The following LRRC4C variants were observed in gnomAD, a reference collection of about 807,000 sequenced individuals.
LRRC4C encodes the protein leucine-rich repeat-containing protein 4C.
Under a neutral mutation model 33.6 loss-of-function variants are expected in LRRC4C, and 5 were observed. That is an observed-to-expected ratio of 0.15 (90% CI 0.08 to 0.31). LRRC4C has a LOEUF of 0.31. LRRC4C is among the 10% of genes least tolerant of loss of function. The probability of loss-of-function intolerance (pLI) is 1.00; values close to 1 mark genes in which losing one functional copy is unlikely to be tolerated. For missense variants in LRRC4C, 560 were observed against 796.7 expected, an observed-to-expected ratio of 0.70 and a Z score of 3.58; for synonymous variants, 329 against 302.0, an observed-to-expected ratio of 1.09 and a Z score of -0.93.
chr11:40,536,407 T>C lies in LRRC4C; in HGVS notation c.-270+111735A>G, dbSNP rs561019849. ...CGGGGTTTCACCATGTTGGCCAGGA[T>C]GGTCTAAATCTCTTGACCTCGTGAT... is the stretch of plus-strand genomic sequence containing the variant. On this transcript the variant is annotated intron_variant, in intron 3 of 6. Coordinates refer to ENST00000528697, the MANE Select transcript of LRRC4C (RefSeq NM_001258419.2). 3.6e-3 allele frequency among the ~76,000 whole-genome samples: 544 copies of C among 152,284 alleles called. 2 individuals are homozygous for C. The highest frequency in any genetic ancestry group is 6.0e-3 in the Non-Finnish European group (406 of 68,022).
chr11:41,264,423 A>G (rs1294464974), intron 1 of LRRC4C, among the ~76,000 whole-genome samples: 2 of 152,244 alleles, frequency 1.3e-5, no homozygotes, highest in South Asian at 2.1e-4. Context: ...TTGCAATTTC[A>G]TAAGTAGGAA....
At chr11:40,866,635 C>A (rs903328956) in intron 2 of LRRC4C, among the ~76,000 whole-genome samples, 2 of 152,030 alleles carry the variant, frequency 1.3e-5, no homozygotes, top group Admixed American at 1.3e-4. Context: ...GGAGTCAAGC[C>A]AATTGGGTAT....
chr11:41,239,255 G>A (rs1335428466), intron 1 of LRRC4C, among the ~76,000 whole-genome samples: 3 of 141,718 alleles, frequency 2.1e-5, no homozygotes, highest in Non-Finnish European at 4.5e-5. Flanking sequence ...CCAAGAGGCG[G>A]AGCTTGCAGT....
At chr11:41,281,975 G>A (rs1949690856) in intron 1 of LRRC4C, among the ~76,000 whole-genome samples, 1 of 152,200 alleles carries the variant, frequency 6.6e-6, no homozygotes, top group Admixed American at 6.5e-5. Context: ...ATGTGAAGGG[G>A]GATCTCAAAA....
At chr11:41,032,626 T>C (rs1024573636) in intron 1 of LRRC4C, among the ~76,000 whole-genome samples, 1 of 152,020 alleles carries the variant, frequency 6.6e-6, no homozygotes, top group African/African-American at 2.4e-5. Context: ...AGTACAGATA[T>C]TAAAATGTTG....
At chr11:40,319,849 T>A (rs936481518) in intron 3 of LRRC4C, 128 bp from the exon 4 acceptor site, 1 of 152,160 alleles carries the variant, frequency 6.6e-6, no homozygotes, top group Non-Finnish European at 1.5e-5. Flanking sequence ...TCACAGAATG[T>A]CTTTCATACA....
chr11:40,330,213 C>T (rs904637522), intron 3 of LRRC4C, among the ~76,000 whole-genome samples: 2 of 152,148 alleles, frequency 1.3e-5, no homozygotes, highest in African/African-American at 2.4e-5. Context: ...GTCAACTTGA[C>T]TGGGTTAAAT....
intron 2 of LRRC4C, among the ~76,000 whole-genome samples, chr11:40,778,548 G>C (rs569050687): frequency 6.6e-6 from 1 of 152,102 alleles, no homozygotes. Flanking sequence ...AATAATTTGA[G>C]ATGGTGCTAA....
intron 2 of LRRC4C, among the ~76,000 whole-genome samples, chr11:40,756,172 A>G (rs1230653689): frequency 6.6e-6 from 1 of 151,842 alleles, no homozygotes; most frequent in Non-Finnish European, 1.5e-5. Context: ...CGCTGCTGGA[A>G]CTCTGATCTT....
intron 2 of LRRC4C, among the ~76,000 whole-genome samples, chr11:40,728,469 AC>A (rs1947396102): frequency 6.6e-6 from 1 of 151,442 alleles, no homozygotes; most frequent in South Asian, 2.1e-4. Context: ...AAAACTAAAA[AC>A]AAAAAGTTAG....
intron 1 of LRRC4C, among the ~76,000 whole-genome samples, chr11:41,108,554 A>G (rs1177277097): frequency 1.3e-5 from 2 of 152,114 alleles, no homozygotes; most frequent in East Asian, 3.9e-4. Context: ...AAAGGCCCAG[A>G]TCGCAAATTC....
intron 2 of LRRC4C, among the ~76,000 whole-genome samples, chr11:40,738,202 C>T (rs1359149211): frequency 6.6e-5 from 10 of 152,152 alleles, no homozygotes; most frequent in Admixed American, 2.0e-4. Context: ...CTTCCCTACA[C>T]CTTTTGCAAA....
intron 2 of LRRC4C, among the ~76,000 whole-genome samples, chr11:40,769,889 C>G (rs927306424): frequency 6.6e-6 from 1 of 152,100 alleles, no homozygotes; most frequent in African/African-American, 2.4e-5. Flanking sequence ...AAGTAAAACC[C>G]TGAGAAAACT....
At chr11:41,285,934 A>G (rs1949813765) in intron 1 of LRRC4C, among the ~76,000 whole-genome samples, 1 of 151,964 alleles carries the variant, frequency 6.6e-6, no homozygotes, top group Non-Finnish European at 1.5e-5. Flanking sequence ...GGTTCAAGCA[A>G]TTCTTCTGCC....
Position 40,114,480 on chromosome 11 carries a change from A to C in LRRC4C, c.1813T>G (p.Phe605Val). 2 of 1,614,118 alleles carry C rather than the reference A, an allele frequency of 1.2e-6. No individual in the cohort carries two copies. The highest frequency in any genetic ancestry group is 1.7e-6 in the Non-Finnish European group (2 of 1,180,018). Residue 605 changes from phenylalanine to valine, a missense_variant, in exon 7 of 7, where the codon TTC becomes GTC. By Grantham distance (50) the Phe-to-Val change is conservative. Coordinates refer to ENST00000528697, the MANE Select transcript of LRRC4C (RefSeq NM_001258419.2). ...LNHYNSYKSP[F>V]NHTTTVNTIN... ...GTGTTAACTGTTGTTGTGTGGTTGA[A>C]GGGAGATTTGTATGAGTTATAGTGA...
At chr11:40,775,569 G>C (rs927320669) in intron 2 of LRRC4C, among the ~76,000 whole-genome samples, 6 of 151,698 alleles carry the variant, frequency 4.0e-5, no homozygotes. Flanking sequence ...TTCTTTATTT[G>C]GCACTGTTTG....
At chr11:40,691,480 G>C (rs1945218701) in intron 2 of LRRC4C, among the ~76,000 whole-genome samples, 1 of 152,048 alleles carries the variant, frequency 6.6e-6, no homozygotes, top group Non-Finnish European at 1.5e-5. Flanking sequence ...ATGCCTTCAG[G>C]CATTCATGAA....
At chr11:40,705,446 A>G (rs774487678) in intron 2 of LRRC4C, among the ~76,000 whole-genome samples, 100 of 152,086 alleles carry the variant, frequency 6.6e-4, no homozygotes, top group Non-Finnish European at 5.6e-4. Context: ...TATGAGTGAG[A>G]ACATGCAGTG....
At chr11:40,999,551 C>G (rs79660073) in intron 1 of LRRC4C, among the ~76,000 whole-genome samples, 22 of 152,082 alleles carry the variant, frequency 1.4e-4, no homozygotes, top group Non-Finnish European at 2.5e-4. Context: ...CTCTGATTCA[C>G]TCTTTTTTCT....
Sources: allele counts gnomAD v4.1 joint callset (sites outside exome capture counted in the v4.1 genomes callset), GRCh38; gene constraint gnomAD v4.1.1; transcripts MANE v1.5; gene names NCBI Gene and HGNC (gene_info 2026-07-23, HGNC 2026-07-21).